ATIC: variants seen among roughly 807,000 people sequenced by gnomAD.
ATIC encodes 5-aminoimidazole-4-carboxamide ribonucleotide formyltransferase/IMP cyclohydrolase.
ATIC carries 64 observed loss-of-function variants against 72.5 expected under a neutral mutation model. The ratio of observed to expected loss-of-function variants is 0.88; its 90% CI spans 0.72 to 1.09. The LOEUF (loss-of-function observed/expected upper bound fraction) is 1.09. ATIC is among the 50% of genes least tolerant of loss of function. ATIC has a pLI of 0.00. For synonymous variants in ATIC, 281 were observed against 267.1 expected, an observed-to-expected ratio of 1.05 and a Z score of -0.51; for missense variants, 787 against 732.4, an observed-to-expected ratio of 1.07 and a Z score of -0.86.
At chr2:215,353,501 G>A (rs1194576564), downstream of ATIC, among the ~76,000 whole-genome samples, 1 of 152,162 alleles carries the variant, frequency 6.6e-6, no homozygotes, top group Non-Finnish European at 1.5e-5. Context: ...TGTTAACTGT[G>A]TGCAGTGTCT....
At chr2:215,365,493 G>A in the ATIC span, 32 of 1,613,288 alleles carry the variant, frequency 2.0e-5, no homozygotes, top group Non-Finnish European at 2.5e-5. Context: ...AAAATGATCT[G>A]TGATGACATA....
intron 13 of ATIC, among the ~76,000 whole-genome samples, chr2:215,346,540 A>G (rs2053072295): frequency 6.6e-6 from 1 of 151,692 alleles, no homozygotes; most frequent in Non-Finnish European, 1.5e-5. Flanking sequence ...TAATAGTCAT[A>G]TGTCACATAT....
chr2:215,334,999 A>T lies in ATIC; in HGVS notation c.1003A>T (p.Arg335Ter). The T allele has an allele frequency of 6.2e-7, 1 of 1,611,600 alleles. No individual in the cohort carries two copies. Among genetic ancestry groups the T allele is most frequent in the East Asian group, 2.2e-5 (1 of 44,736 alleles). ...TGTACCAACTGCAAAAATTATTTCC[A>T]GAGAAGTTAGTGGACATTCATGTAT... ...CDVPTAKIIS[R>*]EVSDGIIAPG... The change falls in exon 10 of 16, where the codon AGA (arginine) becomes TGA (stop). Residue 335 changes from arginine (R) to a stop codon, truncating the protein, a stop_gained. Coordinates refer to ENST00000236959, the MANE Select transcript of ATIC (RefSeq NM_004044.7). LOFTEE classifies it high-confidence loss of function.
intron 14 of ATIC, chr2:215,347,481 C>G: frequency 2.4e-6 from 1 of 419,916 alleles, no homozygotes; most frequent in Non-Finnish European, 4.7e-6. Context: ...GGTAGGTAGC[C>G]CGCCAGAAGA....
the ATIC span, among the ~76,000 whole-genome samples, chr2:215,358,749 C>T: frequency 1.9e-4 from 29 of 152,318 alleles, no homozygotes; most frequent in African/African-American, 6.3e-4. Flanking sequence ...ATCCAACAGA[C>T]ATTTTGGAAA....
intron 4 of ATIC, among the ~76,000 whole-genome samples, chr2:215,321,126 C>T (rs909440422): frequency 1.3e-5 from 2 of 152,218 alleles, no homozygotes; most frequent in East Asian, 1.9e-4. Context: ...TATACCCATA[C>T]GCATTTATTC....
At chr2:215,355,471 C>A in the ATIC span, among the ~76,000 whole-genome samples, 1 of 152,142 alleles carries the variant, frequency 6.6e-6, no homozygotes, top group Non-Finnish European at 1.5e-5. Context: ...AAGGGATCCT[C>A]CATTCTTCCT....
downstream of ATIC, among the ~76,000 whole-genome samples, chr2:215,352,071 A>G (rs1020421380): frequency 1.3e-5 from 2 of 152,170 alleles, no homozygotes; most frequent in African/African-American, 4.8e-5. Flanking sequence ...AGAAGGGCCT[A>G]AGGAGATGTG....
chr2:215,332,656 T>C (rs1300875114), intron 8 of ATIC, 149 bp downstream of exon 8: 1 of 1,028,088 alleles, frequency 9.7e-7, no homozygotes. Flanking sequence ...TGTAATAATA[T>C]AAAATCTGAT....
chr2:215,324,779 T>C (rs953173250), intron 4 of ATIC, among the ~76,000 whole-genome samples: 2 of 152,218 alleles, frequency 1.3e-5, no homozygotes, highest in African/African-American at 2.4e-5. Flanking sequence ...TGTTTCACCC[T>C]TAGAATGCTC....
chr2:215,328,551 C>G (rs1270987437), intron 7 of ATIC, among the ~76,000 whole-genome samples: 2 of 152,120 alleles, frequency 1.3e-5, no homozygotes, highest in African/African-American at 4.8e-5. Flanking sequence ...CTGCCCTTCA[C>G]CGTCCTGGTT....
chr2:215,320,678 C>G (rs1440495918), intron 4 of ATIC, among the ~76,000 whole-genome samples: 2 of 152,166 alleles, frequency 1.3e-5, no homozygotes, highest in African/African-American at 4.8e-5. Context: ...CTCCTGTGTT[C>G]AAGTGATTCT....
At chr2:215,360,463 C>T in the ATIC span, 1 of 152,108 alleles carries the variant, frequency 6.6e-6, no homozygotes, top group South Asian at 2.1e-4. Flanking sequence ...CTTTTAATAT[C>T]TTAGTCATTT....
chr2:215,355,346 T>A, the ATIC span, among the ~76,000 whole-genome samples: 1 of 152,196 alleles, frequency 6.6e-6, no homozygotes, highest in Admixed American at 6.5e-5. Flanking sequence ...AATGATCTTA[T>A]GTCTGTTGTT....
At chr2:215,328,774 G>A (rs946995433) in intron 7 of ATIC, among the ~76,000 whole-genome samples, 3 of 149,982 alleles carry the variant, frequency 2.0e-5, no homozygotes, top group African/African-American at 7.4e-5. Context: ...CTGGAGTGCA[G>A]TGGTGCGATC....
intron 9 of ATIC, among the ~76,000 whole-genome samples, chr2:215,333,948 A>G (rs934387247): frequency 1.3e-5 from 2 of 151,696 alleles, no homozygotes; most frequent in African/African-American, 4.8e-5. Context: ...AGGCTGAGGC[A>G]GGAGAATGGT....
chr2:215,362,242 C>T, the ATIC span: 4 of 658,464 alleles, frequency 6.1e-6, no homozygotes, highest in Non-Finnish European at 8.3e-6. Flanking sequence ...ATTTATAACT[C>T]TTAATACATT....
At chr2:215,316,420 C>T (rs2052709967) in intron 2 of ATIC, among the ~76,000 whole-genome samples, 1 of 152,170 alleles carries the variant, frequency 6.6e-6, no homozygotes, top group Admixed American at 6.5e-5. Context: ...CCGTATCTTA[C>T]TGGCAGAACT....
At chr2:215,313,375 A>C (rs559699579) in intron 2 of ATIC, among the ~76,000 whole-genome samples, 1 of 152,190 alleles carries the variant, frequency 6.6e-6, no homozygotes, top group African/African-American at 2.4e-5. Context: ...TCCCACGTTC[A>C]CAAGCCCTTC....
Sources: gnomAD v4.1 joint callset for allele counts (sites outside exome capture counted in the v4.1 genomes callset) on GRCh38, gnomAD v4.1.1 for gene constraint, MANE v1.5 for transcripts, NCBI Gene and HGNC (gene_info 2026-07-23, HGNC 2026-07-21) for gene names.